PPP1R14C: variants seen among roughly 807,000 people sequenced by gnomAD.
PPP1R14C encodes the protein protein phosphatase 1 regulatory inhibitor subunit 14C.
In PPP1R14C, 16 loss-of-function variants were observed where a neutral mutation model predicts 20.4. The observed-to-expected ratio is 0.78, with a 90% CI of 0.53 to 1.19. PPP1R14C has a LOEUF of 1.19. Ranked by LOEUF, PPP1R14C falls within the 50% of genes most tolerant of loss-of-function variation. The probability of loss-of-function intolerance (pLI) is 0.00; values close to 1 mark genes in which losing one functional copy is unlikely to be tolerated. For synonymous variants in PPP1R14C, 91 were observed against 91.0 expected (o/e 1.00, Z 0.00); for missense variants, 211 against 220.1 (o/e 0.96, Z 0.26).
At chr6:150,239,275 C>G (rs1778404739) in intron 3 of PPP1R14C, among the ~76,000 whole-genome samples, 1 of 152,130 alleles carries the variant, frequency 6.6e-6, no homozygotes, top group South Asian at 2.1e-4. Context: ...TTGGAGGCAG[C>G]CTGGTTTTTA....
chr6:150,144,615 AC>A (rs1777161766), intron 1 of PPP1R14C, among the ~76,000 whole-genome samples: 2 of 152,378 alleles, frequency 1.3e-5, no homozygotes, highest in South Asian at 4.1e-4. Flanking sequence ...CACAGGCTTT[AC>A]CACTAATGTC....
intron 1 of PPP1R14C, among the ~76,000 whole-genome samples, chr6:150,184,856 GA>G (rs1055394958): frequency 6.6e-6 from 1 of 152,226 alleles, no homozygotes; most frequent in African/African-American, 2.4e-5. Context: ...TTATCTATTT[GA>G]ACAAACCAAA....
chr6:150,177,684 G>A (rs1041393503), intron 1 of PPP1R14C, among the ~76,000 whole-genome samples: 1 of 152,124 alleles, frequency 6.6e-6, no homozygotes, highest in Non-Finnish European at 1.5e-5. Flanking sequence ...TGTCCCCAAA[G>A]TCCCACAGTC....
intron 1 of PPP1R14C, among the ~76,000 whole-genome samples, chr6:150,190,809 T>G (rs1357591410): frequency 6.6e-6 from 1 of 152,196 alleles, no homozygotes; most frequent in Non-Finnish European, 1.5e-5. Context: ...TTCTCTACCT[T>G]GGTCCATACC....
At chr6:150,239,447 C>G (rs951849570) in intron 3 of PPP1R14C, among the ~76,000 whole-genome samples, 1 of 152,148 alleles carries the variant, frequency 6.6e-6, no homozygotes, top group Non-Finnish European at 1.5e-5. Flanking sequence ...TCTCCAAATC[C>G]TTAGAAACTA....
intron 3 of PPP1R14C, among the ~76,000 whole-genome samples, chr6:150,225,066 C>T (rs1333776392): frequency 6.6e-6 from 1 of 151,798 alleles, no homozygotes; most frequent in Non-Finnish European, 1.5e-5. Context: ...CCCCAGGTCA[C>T]TCAGGCTCTA....
chr6:150,168,464 C>T (rs997923417), intron 1 of PPP1R14C, among the ~76,000 whole-genome samples: 2 of 152,016 alleles, frequency 1.3e-5, no homozygotes, highest in African/African-American at 4.8e-5. Context: ...ACCCGGGAGG[C>T]GGAGCTTGCA....
intron 1 of PPP1R14C, among the ~76,000 whole-genome samples, chr6:150,209,769 TTG>T (rs770905412): frequency 1.4e-5 from 2 of 145,916 alleles, no homozygotes; most frequent in Non-Finnish European, 3.0e-5. Flanking sequence ...GTATATATAT[TTG>T]TGTGTGCATG....
At chr6:150,222,929 C>T (rs760262748) in intron 3 of PPP1R14C, among the ~76,000 whole-genome samples, 7 of 151,842 alleles carry the variant, frequency 4.6e-5, no homozygotes, top group African/African-American at 1.5e-4. Flanking sequence ...CCACCACACC[C>T]GGCTAATTTT....
chr6:150,233,872 G>A lies in PPP1R14C; in HGVS notation c.424-14874G>A, dbSNP rs76396321. Among the ~76,000 whole-genome samples the A allele has an allele frequency of 1.1e-4, 17 of 152,328 alleles. No individual in the cohort carries two copies. The East Asian group carries it at 3.1e-3, about 28-fold the overall frequency. ...CACGCACCAGGCAGGAACCAGCCCT[G>A]CAAAGGAAGGCACCCCATTGCAGGG... is the stretch of plus-strand genomic sequence containing the variant. On this transcript the variant is annotated intron_variant, in intron 3 of 3. Coordinates refer to ENST00000361131, the MANE Select transcript of PPP1R14C (RefSeq NM_030949.3).
At chr6:150,199,371 G>A (rs574238374) in intron 1 of PPP1R14C, among the ~76,000 whole-genome samples, 1 of 152,306 alleles carries the variant, frequency 6.6e-6, no homozygotes, top group Admixed American at 6.5e-5. Flanking sequence ...ATTAGGCTCT[G>A]AGAGCTCCTC....
chr6:150,167,247 A>T (rs868206123), intron 1 of PPP1R14C, among the ~76,000 whole-genome samples: 3 of 152,312 alleles, frequency 2.0e-5, no homozygotes, highest in African/African-American at 7.2e-5. Flanking sequence ...ACACACCTGT[A>T]ATCCCAGCTA....
chr6:150,229,324 T>G (rs1420559448), intron 3 of PPP1R14C, among the ~76,000 whole-genome samples: 1 of 152,226 alleles, frequency 6.6e-6, no homozygotes, highest in Non-Finnish European at 1.5e-5. Context: ...GATTTTAAAG[T>G]CGGAGATTAT....
At chr6:150,151,114 C>T (rs9885654) in intron 1 of PPP1R14C, among the ~76,000 whole-genome samples, 47,209 of 151,828 alleles carry the variant, frequency 0.31, 8,078 homozygotes, top group Non-Finnish European at 0.39. Flanking sequence ...GCTTTAATTG[C>T]TGTCCATATG....
At chr6:150,186,492 G>A (rs1348653747) in intron 1 of PPP1R14C, among the ~76,000 whole-genome samples, 1 of 152,120 alleles carries the variant, frequency 6.6e-6, no homozygotes, top group Non-Finnish European at 1.5e-5. Context: ...GCTTGTCATT[G>A]CATAGGTGAG....
intron 3 of PPP1R14C, among the ~76,000 whole-genome samples, chr6:150,240,923 A>C (rs9480034): frequency 0.056 from 8,600 of 152,278 alleles, 283 homozygotes; most frequent in African/African-American, 0.08. Flanking sequence ...CTGAGCAATC[A>C]GTTGCTATGT....
At chr6:150,153,248 AT>A (rs1463932105) in intron 1 of PPP1R14C, among the ~76,000 whole-genome samples, 5 of 152,248 alleles carry the variant, frequency 3.3e-5, no homozygotes, top group African/African-American at 9.6e-5. Flanking sequence ...AAAATTAAGC[AT>A]ATGAATATAA....
chr6:150,205,485 AG>A (rs1451119193), intron 1 of PPP1R14C, among the ~76,000 whole-genome samples: 1 of 152,176 alleles, frequency 6.6e-6, no homozygotes, highest in Non-Finnish European at 1.5e-5. Context: ...TTGCTCTCTG[AG>A]GTTTGGATCA....
intron 1 of PPP1R14C, among the ~76,000 whole-genome samples, chr6:150,209,466 G>C (rs1777993534): frequency 6.6e-6 from 1 of 152,164 alleles, no homozygotes; most frequent in Non-Finnish European, 1.5e-5. Flanking sequence ...GTGAGTGTAT[G>C]AGTGGTGTGG....
Sources: allele counts gnomAD v4.1 joint callset (sites outside exome capture counted in the v4.1 genomes callset), GRCh38; gene constraint gnomAD v4.1.1; transcripts MANE v1.5; gene names NCBI Gene and HGNC (gene_info 2026-07-23, HGNC 2026-07-21).